Variants in ART3 observed in about 807,000 individuals in gnomAD.
ART3 encodes ecto-ADP-ribosyltransferase 3.
In ART3, 49 loss-of-function variants were observed where a neutral mutation model predicts 48.5. The observed-to-expected ratio is 1.01, with a 90% CI of 0.80 to 1.28. The LOEUF (loss-of-function observed/expected upper bound fraction) is 1.28, where lower values mean the gene tolerates loss of function less well. Ranked by LOEUF, ART3 falls within the 50% of genes most tolerant of loss-of-function variation. The probability of loss-of-function intolerance (pLI) is 0.00; values close to 1 mark genes in which losing one functional copy is unlikely to be tolerated. For missense variants in ART3, 438 were observed against 454.3 expected (o/e 0.96, Z 0.33); for synonymous variants, 145 against 157.2 (o/e 0.92, Z 0.58).
chr4:76,097,553 A>C, intron 3 of ART3, 91 bp from the exon 4 acceptor site: 1 of 1,103,116 alleles, frequency 9.1e-7, no homozygotes, highest in Non-Finnish European at 1.3e-6. Flanking sequence ...CCAGGAGCTG[A>C]CAGATTAGGT....
chr4:76,108,173 A>G (rs1728830690), intron 11 of ART3, among the ~76,000 whole-genome samples: 1 of 152,044 alleles, frequency 6.6e-6, no homozygotes, highest in South Asian at 2.1e-4. Context: ...TTATCCAGAA[A>G]GAAGATCCAT....
chr4:76,022,430 T>A, intron 1 of ART3: 1 of 1,613,432 alleles, frequency 6.2e-7, no homozygotes, highest in Non-Finnish European at 8.5e-7. Context: ...AGACATCTCT[T>A]CTCACCCTTC....
intron 2 of ART3, among the ~76,000 whole-genome samples, chr4:76,080,998 T>C (rs765904813): frequency 3.9e-5 from 6 of 152,306 alleles, no homozygotes; most frequent in Non-Finnish European, 8.8e-5. Flanking sequence ...TAGTTGTATG[T>C]GGTATTATGC....
At chr4:76,048,568 T>G (rs1260770782) in intron 1 of ART3, among the ~76,000 whole-genome samples, 1 of 151,754 alleles carries the variant, frequency 6.6e-6, no homozygotes, top group Non-Finnish European at 1.5e-5. Context: ...CTGATTGGAA[T>G]AGTTGCGCTC....
intron 1 of ART3, chr4:76,058,053 C>CT (rs1276857375): frequency 6.6e-6 from 1 of 152,144 alleles, no homozygotes; most frequent in Non-Finnish European, 1.5e-5. Flanking sequence ...GGGATCCCAT[C>CT]TGAGTTGGTC....
At chr4:76,092,088 A>T (rs1053432222) in intron 3 of ART3, among the ~76,000 whole-genome samples, 1 of 152,186 alleles carries the variant, frequency 6.6e-6, no homozygotes, top group Non-Finnish European at 1.5e-5. Context: ...TGTTTTGGTG[A>T]TTATATGTTC....
chr4:76,055,557 G>A (rs1252214038), intron 1 of ART3, among the ~76,000 whole-genome samples: 3 of 152,170 alleles, frequency 2.0e-5, no homozygotes, highest in Non-Finnish European at 2.9e-5. Flanking sequence ...GATGAAACGG[G>A]AGTGAAAGGC....
chr4:76,023,205 CTTCAA>C (rs1397902451), intron 1 of ART3, among the ~76,000 whole-genome samples: 1 of 152,122 alleles, frequency 6.6e-6, no homozygotes, highest in Non-Finnish European at 1.5e-5. Context: ...GTTTCTCTCA[CTTCAA>C]TTCATATAAG....
chr4:76,031,832 G>A (rs1733896336), intron 1 of ART3, among the ~76,000 whole-genome samples: 1 of 152,058 alleles, frequency 6.6e-6, no homozygotes, highest in Admixed American at 6.5e-5. Flanking sequence ...ATTAGGCACA[G>A]GAATAATTCA....
At chr4:76,086,837 T>C (rs957418186) in intron 3 of ART3, among the ~76,000 whole-genome samples, 3 of 152,260 alleles carry the variant, frequency 2.0e-5, no homozygotes, top group African/African-American at 7.2e-5. Context: ...TGATCGTGGG[T>C]ATGCATGTCT....
intron 11 of ART3, among the ~76,000 whole-genome samples, chr4:76,109,779 G>A (rs1560663412): frequency 6.6e-6 from 1 of 152,140 alleles, no homozygotes; most frequent in Non-Finnish European, 1.5e-5. Context: ...ATTATGCATT[G>A]CACGACTGTA....
At chr4:76,103,894 AGATAACT>A in intron 8 of ART3, 36 bp from the exon 9 acceptor site, 3 of 1,568,698 alleles carry the variant, frequency 1.9e-6, no homozygotes, top group Non-Finnish European at 2.6e-6. Flanking sequence ...TAACAGTATA[AGATAACT>A]GATTAATACA....
intron 1 of ART3, among the ~76,000 whole-genome samples, chr4:76,044,070 C>G (rs1178474215): frequency 6.6e-6 from 1 of 151,884 alleles, no homozygotes; most frequent in Non-Finnish European, 1.5e-5. Flanking sequence ...GTAAGACCAT[C>G]TGTAGCTTGA....
chr4:76,020,114 C>CTTTTTTTTTTTTTTT (rs572701495), intron 1 of ART3, among the ~76,000 whole-genome samples: 2 of 145,010 alleles, frequency 1.4e-5, no homozygotes, highest in Non-Finnish European at 1.5e-5. Context: ...CTTCTGTTTC[C>CTTTTTTTTTTTTTTT]TTTTTTTTTT....
At chr4:76,088,984 G>T (rs950760490) in intron 3 of ART3, among the ~76,000 whole-genome samples, 3 of 152,070 alleles carry the variant, frequency 2.0e-5, no homozygotes, top group African/African-American at 7.2e-5. Context: ...ATGAAACCAA[G>T]TATATGTGAA....
chr4:76,091,201 G>T (rs1724808059), intron 3 of ART3, among the ~76,000 whole-genome samples: 1 of 152,172 alleles, frequency 6.6e-6, no homozygotes, highest in African/African-American at 2.4e-5. Context: ...AAACTTCTGT[G>T]AACATGTATA....
intron 10 of ART3, chr4:76,105,716 T>C (rs368616747): frequency 1.0e-6 from 1 of 985,420 alleles, no homozygotes. Context: ...TGAGAATTTC[T>C]TTCAGTGTGA....
At chr4:76,045,453 C>T (rs1578303650) in intron 1 of ART3, among the ~76,000 whole-genome samples, 1 of 151,948 alleles carries the variant, frequency 6.6e-6, no homozygotes, top group South Asian at 2.1e-4. Context: ...GAGATCCTTT[C>T]CTTGTATTAT....
intron 1 of ART3, among the ~76,000 whole-genome samples, chr4:76,017,754 C>T (rs1315463524): frequency 6.6e-6 from 1 of 152,226 alleles, no homozygotes; most frequent in Non-Finnish European, 1.5e-5. Context: ...TGCCAAAACT[C>T]AACTTCTAAC....
Sources: allele counts gnomAD v4.1 joint callset (sites outside exome capture counted in the v4.1 genomes callset), GRCh38; gene constraint gnomAD v4.1.1; transcripts MANE v1.5; gene names NCBI Gene and HGNC (gene_info 2026-07-23, HGNC 2026-07-21).